FAM222B: variants seen among roughly 807,000 people sequenced by gnomAD.
FAM222B encodes family with sequence similarity 222 member B.
In FAM222B, 12 loss-of-function variants were observed where a neutral mutation model predicts 38.0. That is an observed-to-expected ratio of 0.32 (90% confidence interval 0.20 to 0.51). The LOEUF (loss-of-function observed/expected upper bound fraction) is 0.51. FAM222B is among the 20% of genes least tolerant of loss of function. FAM222B has a pLI of 0.97. For synonymous variants in FAM222B, 329 were observed against 317.2 expected, an observed-to-expected ratio of 1.04 and a Z score of -0.40; for missense variants, 716 against 754.2, an observed-to-expected ratio of 0.95 and a Z score of 0.59.
chr17:28,788,055 C>T (rs2036499078), intron 1 of FAM222B, among the ~76,000 whole-genome samples: 1 of 152,000 alleles, frequency 6.6e-6, no homozygotes, highest in Admixed American at 6.6e-5. Context: ...AACTCCCAAC[C>T]TCAGGTGATC....
chr17:28,833,338 T>C (rs922366673), intron 1 of FAM222B, among the ~76,000 whole-genome samples: 16 of 149,028 alleles, frequency 1.1e-4, no homozygotes, highest in Middle Eastern at 3.6e-3. Flanking sequence ...TAAGTTCCAC[T>C]GGGCATGGTG....
At chr17:28,803,455 A>G (rs1314211197) in intron 1 of FAM222B, among the ~76,000 whole-genome samples, 3 of 151,870 alleles carry the variant, frequency 2.0e-5, no homozygotes, top group South Asian at 2.1e-4. Flanking sequence ...ACAGGCACAC[A>G]TCACCACACC....
At chr17:28,763,160 C>G (rs1483452247) in intron 2 of FAM222B, among the ~76,000 whole-genome samples, 1 of 152,134 alleles carries the variant, frequency 6.6e-6, no homozygotes, top group African/African-American at 2.4e-5. Flanking sequence ...GTTAGAGAAA[C>G]CTGTATTCAA....
intron 1 of FAM222B, among the ~76,000 whole-genome samples, chr17:28,772,839 G>T (rs2035702919): frequency 6.6e-6 from 1 of 152,154 alleles, no homozygotes; most frequent in African/African-American, 2.4e-5. Flanking sequence ...AGGCTGCAGT[G>T]AGCCGAGATC....
intron 1 of FAM222B, among the ~76,000 whole-genome samples, chr17:28,841,406 G>A (rs1474249427): frequency 6.6e-6 from 1 of 152,130 alleles, no homozygotes; most frequent in African/African-American, 2.4e-5. Flanking sequence ...ACGGAGTCTC[G>A]CACTGTCACC....
Position 28,850,541 on chromosome 17 carries a change from G to T in FAM222B, c.-41+4409C>A, listed in dbSNP as rs368673768. On this transcript the variant is annotated intron_variant, in intron 1 of 2. Coordinates refer to the FAM222B transcript ENST00000577513. ...TCTCGATCTCCTGACCTTGTGATCC[G>T]CCCACCTCGGCCTCCCGAAGTGCTG... 2.6e-5 allele frequency among the ~76,000 whole-genome samples: 4 copies of T among 152,128 alleles called. No individual in the cohort carries two copies. In the East Asian group the frequency reaches 7.7e-4, roughly 29 times the overall value.
At chr17:28,777,782 C>CTT (rs35415902) in intron 1 of FAM222B, among the ~76,000 whole-genome samples, 6 of 147,764 alleles carry the variant, frequency 4.1e-5, no homozygotes, top group Non-Finnish European at 6.0e-5. Context: ...ATGCCTGGTA[C>CTT]TTTTTTTTTT....
At chr17:28,769,385 G>A (rs1012448180) in intron 1 of FAM222B, among the ~76,000 whole-genome samples, 17 of 151,988 alleles carry the variant, frequency 1.1e-4, no homozygotes, top group African/African-American at 3.6e-4. Context: ...GTTTCACAGT[G>A]TTAGCCAGGA....
intron 1 of FAM222B, among the ~76,000 whole-genome samples, chr17:28,771,351 G>A (rs2035623302): frequency 6.6e-6 from 1 of 152,072 alleles, no homozygotes; most frequent in Admixed American, 6.6e-5. Flanking sequence ...AAGAGCAAAA[G>A]GAAAACCATA....
intron 1 of FAM222B, among the ~76,000 whole-genome samples, chr17:28,774,602 C>T (rs1567812240): frequency 6.6e-6 from 1 of 152,136 alleles, no homozygotes; most frequent in African/African-American, 2.4e-5. Flanking sequence ...ATCTCTGCTC[C>T]CTGCCCCCGA....
At chr17:28,812,263 T>G (rs1484313422) in intron 1 of FAM222B, 1 of 152,384 alleles carries the variant, frequency 6.6e-6, no homozygotes, top group Non-Finnish European at 1.5e-5. Context: ...GGCTCCTGGC[T>G]CCGCCCCGCC....
At chr17:28,790,637 A>G (rs186968222) in intron 1 of FAM222B, among the ~76,000 whole-genome samples, 2 of 152,256 alleles carry the variant, frequency 1.3e-5, no homozygotes, top group Admixed American at 6.6e-5. Flanking sequence ...TAAAGCATAT[A>G]ACTGGTATAA....
chr17:28,763,010 C>T (rs1447123229), intron 2 of FAM222B, among the ~76,000 whole-genome samples: 2 of 152,064 alleles, frequency 1.3e-5, no homozygotes, highest in African/African-American at 4.8e-5. Flanking sequence ...TTATTTTCTT[C>T]TGTAATGTAT....
rs145094376 is a variant in FAM222B at position 28,773,656 on chromosome 17, G to A, written c.-40-6949C>T. Among the ~76,000 whole-genome samples the A allele has an allele frequency of 5.3e-5, 8 of 151,982 alleles. No individual in the cohort carries two copies. In the East Asian group the frequency reaches 1.4e-3, roughly 26 times the overall value. On this transcript the variant is annotated intron_variant, in intron 1 of 2. Transcript: ENST00000581407. ...TCTACGAAAAATACAAAATTAGCCG[G>A]GCATGGTGGCATGTGCTTGTAATCC...
chr17:28,758,298 A>G lies in FAM222B; in HGVS notation c.1661T>C (p.Leu554Pro). ...RAPDPTESRS[L>P]HIQHPGYR The stretch of plus-strand genomic sequence containing the variant: ...TCTATACCCTGGGTGCTGAATATGA[A>G]GACTTCGACTCTCTGTGGGATCGGG... The change falls in exon 3 of 3, where the codon CTT (leucine) becomes CCT (proline). Residue 554 changes from leucine to proline, a missense_variant. Leu to Pro is a moderately conservative substitution (Grantham distance 98, BLOSUM62 -3). Coordinates refer to ENST00000581407, the MANE Select transcript of FAM222B (RefSeq NM_001077498.3). 1 of 1,597,184 alleles carries G rather than the reference A, an allele frequency of 6.3e-7. No homozygotes were observed. Among genetic ancestry groups the G allele is most frequent in the Non-Finnish European group, 8.5e-7 (1 of 1,172,338 alleles).
intron 1 of FAM222B, among the ~76,000 whole-genome samples, chr17:28,789,978 C>T (rs922208805): frequency 6.6e-6 from 1 of 152,116 alleles, no homozygotes; most frequent in Non-Finnish European, 1.5e-5. Flanking sequence ...TCTTTTCTAC[C>T]ATTGCCTGTA....
At chr17:28,852,546 AG>A (rs1262501559) in intron 1 of FAM222B, among the ~76,000 whole-genome samples, 1 of 151,702 alleles carries the variant, frequency 6.6e-6, no homozygotes, top group Non-Finnish European at 1.5e-5. Flanking sequence ...GAGGCTGAAG[AG>A]GGAGGATTGC....
chr17:28,769,796 C>G (rs1466270498), intron 1 of FAM222B, among the ~76,000 whole-genome samples: 1 of 152,200 alleles, frequency 6.6e-6, no homozygotes, highest in Admixed American at 6.5e-5. Context: ...GGTTTCCCTG[C>G]AGTTCCTTCA....
chr17:28,778,045 T>A (rs1225018230), intron 1 of FAM222B, among the ~76,000 whole-genome samples: 1 of 151,138 alleles, frequency 6.6e-6, no homozygotes, highest in Non-Finnish European at 1.5e-5. Flanking sequence ...GGGCACTACT[T>A]CTGCACTGTA....
Sources: allele counts gnomAD v4.1 joint callset (sites outside exome capture counted in the v4.1 genomes callset), GRCh38; gene constraint gnomAD v4.1.1; transcripts MANE v1.5; gene names NCBI Gene and HGNC (gene_info 2026-07-23, HGNC 2026-07-21).